Variants in ADGRL4 observed in about 807,000 individuals in gnomAD.
The protein encoded by ADGRL4 is adhesion G protein-coupled receptor L4.
Under a neutral mutation model 74.8 loss-of-function variants are expected in ADGRL4, and 90 were observed. That is an observed-to-expected ratio of 1.20 (90% CI 1.02 to 1.43). The LOEUF (loss-of-function observed/expected upper bound fraction) is 1.43, where lower values mean the gene tolerates loss of function less well. Ranked by LOEUF, ADGRL4 falls within the 40% of genes most tolerant of loss-of-function variation. The pLI is 0.00. For synonymous variants in ADGRL4, 311 were observed against 279.2 expected (o/e 1.11, Z -1.14); for missense variants, 881 against 814.3 (o/e 1.08, Z -1.00).
intron 2 of ADGRL4, among the ~76,000 whole-genome samples, chr1:78,948,404 C>T (rs1314148132): frequency 6.6e-6 from 1 of 151,998 alleles, no homozygotes; most frequent in Non-Finnish European, 1.5e-5. Context: ...TACACACTCA[C>T]TTAAAAAATT....
At chr1:78,915,955 T>C (rs1430970772) in intron 12 of ADGRL4, among the ~76,000 whole-genome samples, 1 of 151,812 alleles carries the variant, frequency 6.6e-6, no homozygotes, top group African/African-American at 2.4e-5. Flanking sequence ...CTGAGGGGCC[T>C]AGCTCATTTT....
At chr1:78,939,495 T>TA (rs954512569) in intron 3 of ADGRL4, among the ~76,000 whole-genome samples, 6 of 151,816 alleles carry the variant, frequency 4.0e-5, no homozygotes, top group African/African-American at 7.3e-5. Context: ...TTGATTAAAT[T>TA]AAAAAAAATA....
Position 78,953,976 on chromosome 1 carries a change from C to T in ADGRL4, c.173-7550G>A, listed in dbSNP as rs186256780. ...TAGCCTGGCCAACATGGTGAAACCT[C>T]GTCTCTACTGAAAATACAAAATTAC... On this transcript the variant is annotated intron_variant, in intron 2 of 14. Transcript: ENST00000370742. Among the ~76,000 whole-genome samples the T allele has an allele frequency of 3.2e-3, 488 of 152,180 alleles. 1 individual carries two copies. Among genetic ancestry groups the T allele is most frequent in the African/African-American group, 0.011 (468 of 41,526 alleles).
Position 78,938,224 on chromosome 1 carries a change from A to G in ADGRL4, c.452T>C (p.Val151Ala), listed in dbSNP as rs1214710174. Residue 151 changes from valine (V) to alanine (A), a missense_variant, in exon 5 of 15, where the codon GTG becomes GCG. Physicochemically the swap from Val to Ala is moderately conservative, Grantham distance 64 (BLOSUM62 0). Transcript: ENST00000370742. ...ALLQEVYRNS[V>A]TDLSPTDIIT... ...TATATCTGTTGGTGAAAGATCTGTC[A>G]CAGAATTTCTATAGACTTCTTGTAG... 7.4e-6 allele frequency: 12 copies of G among 1,611,186 alleles called. No homozygotes were observed. In the Admixed American group the frequency reaches 2.0e-4, roughly 27 times the overall value.
Position 78,938,099 on chromosome 1 carries a change from C to A in ADGRL4, c.576+1G>T. 6.2e-7 allele frequency: 1 copy of A among 1,612,200 alleles called. No homozygotes were observed. The highest frequency in any genetic ancestry group is 8.5e-7 in the Non-Finnish European group (1 of 1,179,392). On this transcript the variant is annotated splice_donor_variant, in intron 5 of 14. Coordinates refer to ENST00000370742, the MANE Select transcript of ADGRL4 (RefSeq NM_022159.4). LOFTEE classifies it high-confidence loss of function. ...ATTGAGTTAAAGCTGAACATACTTA[C>A]AGTAAGAGTTGAGTTAGAAAGGGTG...
rs145476953 is a variant in ADGRL4 at position 78,958,520 on chromosome 1, C to T, written c.173-12094G>A. On this transcript the variant is annotated intron_variant, in intron 2 of 14. Transcript: ENST00000370742. ...AAGACTTCAGTGGAGGAAGTAACTG[C>T]GGACGTGGTGGAAATATCAAGAGAA... 6.0e-4 allele frequency among the ~76,000 whole-genome samples: 92 copies of T among 152,130 alleles called. 1 individual carries two copies. Among genetic ancestry groups the T allele is most frequent in the Non-Finnish European group, 1.1e-3 (75 of 68,000 alleles).
At chr1:78,974,705 G>A (rs1650243007) in intron 2 of ADGRL4, among the ~76,000 whole-genome samples, 1 of 152,168 alleles carries the variant, frequency 6.6e-6, no homozygotes, top group African/African-American at 2.4e-5. Flanking sequence ...TCTAGAGGCT[G>A]CAAGTGTTCC....
intron 2 of ADGRL4, among the ~76,000 whole-genome samples, chr1:78,976,314 C>T (rs1650279068): frequency 6.6e-6 from 1 of 151,978 alleles, no homozygotes; most frequent in Admixed American, 6.6e-5. Flanking sequence ...CATGTAGCAA[C>T]AGCTTCTGTT....
chr1:78,985,995 G>A (rs1650486536), intron 2 of ADGRL4, among the ~76,000 whole-genome samples: 1 of 151,662 alleles, frequency 6.6e-6, no homozygotes, highest in East Asian at 1.9e-4. Context: ...TATAAAGAAG[G>A]GAACAATACA....
At chr1:78,908,091 G>T (rs1466835339) in intron 12 of ADGRL4, among the ~76,000 whole-genome samples, 1 of 151,874 alleles carries the variant, frequency 6.6e-6, no homozygotes, top group Non-Finnish European at 1.5e-5. Context: ...ATATTAAAGG[G>T]GACAGAGGGA....
chr1:78,894,163 G>GA (rs1648345683), intron 12 of ADGRL4, among the ~76,000 whole-genome samples: 2 of 151,812 alleles, frequency 1.3e-5, no homozygotes, highest in Non-Finnish European at 2.9e-5. Flanking sequence ...TAGTAATTCA[G>GA]AAGCTTACAG....
At chr1:78,947,136 A>G (rs1256053672) in intron 2 of ADGRL4, among the ~76,000 whole-genome samples, 1 of 152,166 alleles carries the variant, frequency 6.6e-6, no homozygotes, top group East Asian at 1.9e-4. Flanking sequence ...GATGATCATA[A>G]TGGTCTGGAG....
At chr1:78,912,649 A>C (rs1389102118) in intron 12 of ADGRL4, among the ~76,000 whole-genome samples, 1 of 151,902 alleles carries the variant, frequency 6.6e-6, no homozygotes, top group East Asian at 1.9e-4. Flanking sequence ...AGCTGACTGC[A>C]TTAATGTTAA....
chr1:78,993,560 A>C (rs1378704005), intron 2 of ADGRL4, among the ~76,000 whole-genome samples: 1 of 132,188 alleles, frequency 7.6e-6, no homozygotes, highest in Non-Finnish European at 1.6e-5. Context: ...TATGACTCTA[A>C]GCAAAAATTC....
At chr1:78,977,338 A>G (rs1372416524) in intron 2 of ADGRL4, among the ~76,000 whole-genome samples, 1 of 151,786 alleles carries the variant, frequency 6.6e-6, no homozygotes, top group Non-Finnish European at 1.5e-5. Context: ...AATCTGGTGA[A>G]TTGTATGGGA....
chr1:78,972,178 T>C (rs1242280262), intron 2 of ADGRL4, among the ~76,000 whole-genome samples: 1 of 152,192 alleles, frequency 6.6e-6, no homozygotes, highest in East Asian at 1.9e-4. Flanking sequence ...TAATTATCCT[T>C]CATTTGCTAC....
chr1:78,954,076 G>A (rs940966239), intron 2 of ADGRL4, among the ~76,000 whole-genome samples: 1 of 152,122 alleles, frequency 6.6e-6, no homozygotes, highest in African/African-American at 2.4e-5. Flanking sequence ...AACCTGGGAG[G>A]TGGAGGTTGC....
intron 2 of ADGRL4, among the ~76,000 whole-genome samples, chr1:78,986,444 A>C (rs1420742860): frequency 1.3e-5 from 2 of 151,456 alleles, no homozygotes; most frequent in Admixed American, 6.6e-5. Context: ...CATGAAATAC[A>C]ATAAGAAAAA....
At chr1:78,921,528 T>C (rs1175503642) in intron 9 of ADGRL4, 85 bp downstream of exon 9, 3 of 879,676 alleles carry the variant, frequency 3.4e-6, no homozygotes, top group Admixed American at 3.1e-5. Flanking sequence ...GAAAAATATA[T>C]AAAAAATTAA....
Sources: allele counts gnomAD v4.1 joint callset (sites outside exome capture counted in the v4.1 genomes callset), GRCh38; gene constraint gnomAD v4.1.1; transcripts MANE v1.5; gene names NCBI Gene and HGNC (gene_info 2026-07-23, HGNC 2026-07-21).